NUSAP1: variants seen among roughly 807,000 people sequenced by gnomAD.
NUSAP1 encodes nucleolar and spindle associated protein 1, also known as nucleolar and spindle-associated protein 1.
Under a neutral mutation model 52.8 loss-of-function variants are expected in NUSAP1, and 32 were observed. That is an observed-to-expected ratio of 0.61 (90% confidence interval 0.46 to 0.81). NUSAP1 has a LOEUF of 0.81. Among genes scored for constraint, NUSAP1 ranks in the 40% least tolerant of loss-of-function variants. The pLI is 0.00. For synonymous variants in NUSAP1, 195 were observed against 183.1 expected (o/e 1.06, Z -0.52); for missense variants, 499 against 522.3 (o/e 0.96, Z 0.43).
intron 1 of NUSAP1, among the ~76,000 whole-genome samples, chr15:41,337,043 G>T (rs1162577502): frequency 3.0e-5 from 3 of 99,942 alleles, no homozygotes; most frequent in Non-Finnish European, 5.4e-5. Context: ...GTCTTGCTCT[G>T]TCAGCCAGCC....
At chr15:41,369,614 C>T (rs1462585971) in intron 7 of NUSAP1, among the ~76,000 whole-genome samples, 2 of 151,492 alleles carry the variant, frequency 1.3e-5, no homozygotes. Context: ...TACCATTGCA[C>T]TCCAGCCTGG....
chr15:41,365,731 T>C (rs2049377267), intron 7 of NUSAP1, 142 bp downstream of exon 7: 1 of 599,868 alleles, frequency 1.7e-6, no homozygotes, highest in Non-Finnish European at 2.5e-6. Flanking sequence ...TTTCTTTTTT[T>C]TTTTTTTGAG....
intron 8 of NUSAP1, among the ~76,000 whole-genome samples, chr15:41,374,816 C>T (rs1441504882): frequency 1.3e-5 from 2 of 151,768 alleles, no homozygotes; most frequent in Non-Finnish European, 2.9e-5. Flanking sequence ...TGAGCCACTG[C>T]ACCCAGCTTC....
chr15:41,336,265 T>TAAA (rs1390269155), intron 1 of NUSAP1, among the ~76,000 whole-genome samples: 11 of 145,714 alleles, frequency 7.5e-5, no homozygotes, highest in African/African-American at 2.9e-4. Flanking sequence ...AAACTCCGTC[T>TAAA]AAAAATAATA....
rs372499030 is a variant in NUSAP1 at position 41,367,997 on chromosome 15, A to T, written c.848+2408A>T. 5.3e-5 allele frequency among the ~76,000 whole-genome samples: 8 copies of T among 152,072 alleles called. No homozygotes were observed. In the East Asian group the frequency reaches 1.6e-3, roughly 30 times the overall value. On this transcript the variant is annotated intron_variant, in intron 7 of 10. Coordinates refer to ENST00000559596, the MANE Select transcript of NUSAP1 (RefSeq NM_016359.5). The stretch of plus-strand genomic sequence containing the variant: ...CAGCTACTCAGGAGGCTGAGGCAGG[A>T]GGATCATTTGAGTCCAGAAGTTTGA...
chr15:41,366,192 T>C (rs2049401441), intron 7 of NUSAP1, among the ~76,000 whole-genome samples: 2 of 152,202 alleles, frequency 1.3e-5, no homozygotes, highest in African/African-American at 4.8e-5. Context: ...AGTCTGGTTT[T>C]GAACTCTTGG....
At chr15:41,379,683 T>C (rs1228472339) in intron 10 of NUSAP1, among the ~76,000 whole-genome samples, 1 of 152,086 alleles carries the variant, frequency 6.6e-6, no homozygotes, top group African/African-American at 2.4e-5. Flanking sequence ...TAGCTGTGAT[T>C]ATAGGCATGC....
intron 2 of NUSAP1, 76 bp downstream of exon 2, chr15:41,342,530 C>A: frequency 9.2e-7 from 1 of 1,084,300 alleles, no homozygotes; most frequent in Non-Finnish European, 1.4e-6. Flanking sequence ...TAACACACAA[C>A]TAGTGATGAT....
chr15:41,362,272 G>A (rs978693186), intron 6 of NUSAP1, among the ~76,000 whole-genome samples: 2 of 151,390 alleles, frequency 1.3e-5, no homozygotes, highest in African/African-American at 4.8e-5. Context: ...TGGAAAACTT[G>A]TATTCCAAGG....
chr15:41,362,360 CT>C (rs1450763221), intron 6 of NUSAP1, among the ~76,000 whole-genome samples: 1 of 148,780 alleles, frequency 6.7e-6, no homozygotes, highest in Non-Finnish European at 1.5e-5. Flanking sequence ...AATTATTATT[CT>C]TATTTATCTA....
chr15:41,357,250 C>G (rs577539939), intron 5 of NUSAP1, among the ~76,000 whole-genome samples: 1 of 151,784 alleles, frequency 6.6e-6, no homozygotes. Context: ...TGCCTTTAAC[C>G]CCAGCTACTT....
chr15:41,335,153 TC>T (rs2048070596), intron 1 of NUSAP1, among the ~76,000 whole-genome samples: 2 of 151,166 alleles, frequency 1.3e-5, no homozygotes. Context: ...AATAAATTGC[TC>T]TGAGAAATTA....
chr15:41,377,916 G>C (rs1359107789), intron 10 of NUSAP1, among the ~76,000 whole-genome samples: 1 of 151,856 alleles, frequency 6.6e-6, no homozygotes, highest in Non-Finnish European at 1.5e-5. Flanking sequence ...CAGGAACCTG[G>C]GAGGCAGAGC....
Position 41,365,517 on chromosome 15 carries a change from C to A in NUSAP1, c.776C>A (p.Ala259Glu). The A allele has an allele frequency of 6.2e-7, 1 of 1,612,800 alleles. No homozygotes were observed. The change falls in exon 7 of 11, where the codon GCA becomes GAA. Residue 259 changes from alanine (A) to glutamate (E), a missense_variant. Physicochemically the swap from Ala to Glu is moderately radical, Grantham distance 107. Transcript: ENST00000559596. The stretch of plus-strand genomic sequence containing the variant: ...TCGCAAGGCCGGTCTTGTGGCCCTG[C>A]AAGTCAGAGTACCTTGGGTCTGAAG... ...RRSQGRSCGP[A>E]SQSTLGLKGS... is the part of the protein sequence containing the mutation.
chr15:41,350,904 T>C lies in NUSAP1; in HGVS notation c.307-84T>C, dbSNP rs1006943870. ...CTACTTTTCTTCCTTTAACCCCTTTTCCCCCTCACTTTGGTACTTATCTTT... is the reference window on the plus strand; with the variant it reads ...CTACTTTTCTTCCTTTAACCCCTTTCCCCCCTCACTTTGGTACTTATCTTT... On this transcript the variant is annotated intron_variant, in intron 3 of 10. Coordinates refer to ENST00000559596, the MANE Select transcript of NUSAP1 (RefSeq NM_016359.5). 5.0e-6 allele frequency: 6 copies of C among 1,199,676 alleles called. No homozygotes were observed. In the African/African-American group the frequency reaches 9.2e-5, roughly 18 times the overall value. 74.3% of individuals were successfully genotyped at this position (1,199,676 alleles called of 1,614,324 possible).
At chr15:41,352,854 G>A (rs1228452282) in intron 4 of NUSAP1, among the ~76,000 whole-genome samples, 2 of 152,072 alleles carry the variant, frequency 1.3e-5, no homozygotes, top group East Asian at 3.9e-4. Flanking sequence ...ACCATGCCCA[G>A]CCAGCATTTT....
chr15:41,377,668 T>A (rs1244844998), intron 10 of NUSAP1, among the ~76,000 whole-genome samples: 1 of 133,846 alleles, frequency 7.5e-6, no homozygotes, highest in Non-Finnish European at 1.6e-5. Context: ...CACTGCACTC[T>A]AGCCTGCGTG....
chr15:41,355,462 C>T (rs775013979), intron 4 of NUSAP1, among the ~76,000 whole-genome samples: 20 of 150,406 alleles, frequency 1.3e-4, no homozygotes, highest in East Asian at 6.0e-4. Context: ...GGAGCCACCG[C>T]GGCGCCTGAC....
intron 7 of NUSAP1, among the ~76,000 whole-genome samples, chr15:41,366,230 A>T (rs546895924): frequency 6.6e-6 from 1 of 150,536 alleles, no homozygotes; most frequent in Non-Finnish European, 1.5e-5. Flanking sequence ...ACCTTGGCCA[A>T]CCAAAGTGCT....
Sources: gnomAD v4.1 joint callset for allele counts (sites outside exome capture counted in the v4.1 genomes callset) on GRCh38, gnomAD v4.1.1 for gene constraint, MANE v1.5 for transcripts, NCBI Gene and HGNC (gene_info 2026-07-23, HGNC 2026-07-21) for gene names.